Variants in PPP1R12A observed in about 807,000 individuals in gnomAD.
The protein encoded by PPP1R12A is myosin binding subunit.
Under a neutral mutation model 139.6 loss-of-function variants are expected in PPP1R12A, and 19 were observed. The ratio of observed to expected loss-of-function variants is 0.14; its 90% CI spans 0.09 to 0.20. The LOEUF is 0.20. Ranked by LOEUF, PPP1R12A falls within the 10% of genes least tolerant of loss-of-function variation. The probability of loss-of-function intolerance (pLI) is 1.00; values close to 1 mark genes in which losing one functional copy is unlikely to be tolerated. For missense variants in PPP1R12A, 925 were observed against 1,211.5 expected (o/e 0.76, Z 3.51); for synonymous variants, 427 against 420.6 (o/e 1.02, Z -0.19).
chr12:79,933,901 GTCCCCTATTTATTC>G (rs1454285639), intron 1 of PPP1R12A, among the ~76,000 whole-genome samples: 2 of 152,312 alleles, frequency 1.3e-5, no homozygotes, highest in East Asian at 3.9e-4. Flanking sequence ...TGAAAAGAGT[GTCCCCTATTTATTC>G]TTCTCTTTCT....
intron 1 of PPP1R12A, among the ~76,000 whole-genome samples, chr12:79,919,444 A>G (rs753557109): frequency 4.6e-5 from 7 of 151,606 alleles, no homozygotes; most frequent in Non-Finnish European, 1.0e-4. Flanking sequence ...AATCTCAGCT[A>G]CTCAGGAGGC....
chr12:79,821,052 CA>C, intron 7 of PPP1R12A, 25 bp downstream of exon 7: 3 of 1,596,058 alleles, frequency 1.9e-6, no homozygotes, highest in South Asian at 1.1e-5. Context: ...ACAAAAATAA[CA>C]AATGTACTTG....
In PPP1R12A at chr12:79,781,865, G is replaced by A; in HGVS notation, c.2908-3C>T. ...CTATCAGCAAATCTTTCTTGTCTCT[G>A]CAACAAAGTAAGAAATTATAAAAGA... On this transcript the variant is annotated splice_polypyrimidine_tract_variant and splice_region_variant and intron_variant, in intron 22 of 24. Coordinates refer to ENST00000450142, the MANE Select transcript of PPP1R12A (RefSeq NM_002480.3). 1.3e-6 allele frequency: 2 copies of A among 1,534,164 alleles called. No individual in the cohort carries two copies. Among genetic ancestry groups the A allele is most frequent in the Non-Finnish European group, 1.8e-6 (2 of 1,134,490 alleles).
rs1378883239 is a variant in PPP1R12A at position 79,894,870 on chromosome 12, T to TG, written c.238-21933dup. 2.0e-5 allele frequency among the ~76,000 whole-genome samples: 3 copies of TG among 152,342 alleles called. No homozygotes were observed. In the East Asian group the frequency reaches 5.8e-4, roughly 29 times the overall value. On this transcript the variant is annotated intron_variant, in intron 1 of 24. Coordinates refer to ENST00000450142, the MANE Select transcript of PPP1R12A (RefSeq NM_002480.3). ...GGAATTATGTTTGCTTTTAGCAGGT[T>TG]GTCCGCCTTTCGTCTTGCTTTCAGC...
intron 1 of PPP1R12A, among the ~76,000 whole-genome samples, chr12:79,902,835 C>T (rs186558827): frequency 2.0e-4 from 31 of 152,120 alleles, no homozygotes; most frequent in Admixed American, 2.6e-4. Context: ...AAATTCCACA[C>T]CTGACCTTAT....
At chr12:79,818,084 T>C (rs949885315) in intron 8 of PPP1R12A, among the ~76,000 whole-genome samples, 1 of 152,144 alleles carries the variant, frequency 6.6e-6, no homozygotes, top group Non-Finnish European at 1.5e-5. Flanking sequence ...TCCACCTAAC[T>C]GTGTAGAGAA....
intron 1 of PPP1R12A, among the ~76,000 whole-genome samples, chr12:79,910,051 C>A (rs761761251): frequency 1.3e-5 from 2 of 151,918 alleles, no homozygotes; most frequent in Non-Finnish European, 2.9e-5. Context: ...TGTAAACTGA[C>A]AACAAATAAC....
intron 2 of PPP1R12A, among the ~76,000 whole-genome samples, chr12:79,865,410 A>C (rs964509889): frequency 6.6e-6 from 1 of 152,374 alleles, no homozygotes; most frequent in South Asian, 2.1e-4. Context: ...AACCGCCACA[A>C]GACAAGGATC....
chr12:79,862,458 G>C (rs1421512270), intron 2 of PPP1R12A, among the ~76,000 whole-genome samples: 2 of 152,224 alleles, frequency 1.3e-5, no homozygotes, highest in African/African-American at 4.8e-5. Flanking sequence ...AAACTGGGCA[G>C]AGAATGAGTT....
chr12:79,798,053 T>A (rs189777709), intron 15 of PPP1R12A, among the ~76,000 whole-genome samples: 1 of 152,286 alleles, frequency 6.6e-6, no homozygotes, highest in African/African-American at 2.4e-5. Context: ...GCATATTAGT[T>A]GTTTATACCT....
Position 79,778,590 on chromosome 12 carries a change from G to A in PPP1R12A, c.2966C>T (p.Ala989Val). Reference sequence around the variant, plus strand: ...CATTTCAGATATTCTTCTTTCTAGAGCTCTTCGTTCCTAGATCGATTTAAG... The same window carrying A: ...CATTTCAGATATTCTTCTTTCTAGAACTCTTCGTTCCTAGATCGATTTAAG... ...LLEMEKRERR[A>V]LERRISEMEE... Residue 989 changes from alanine (A) to valine (V), a missense_variant, in exon 24 of 25, where the codon GCT (alanine) becomes GTT (valine). Around this residue, in one of 4 missense-constraint regions of PPP1R12A, gnomAD observed 315 missense variants for 363.4 expected, o/e 0.87. Coordinates refer to ENST00000450142, the MANE Select transcript of PPP1R12A (RefSeq NM_002480.3). The A allele has an allele frequency of 2.6e-6, 4 of 1,529,498 alleles. No homozygotes were observed. The highest frequency in any genetic ancestry group is 1.2e-5 in the South Asian group (1 of 80,162). 94.7% of individuals were successfully genotyped at this position (1,529,498 alleles called of 1,614,324 possible).
intron 1 of PPP1R12A, among the ~76,000 whole-genome samples, chr12:79,892,119 C>G (rs997523329): frequency 8.5e-5 from 13 of 152,202 alleles, no homozygotes; most frequent in Non-Finnish European, 1.8e-4. Flanking sequence ...CCAGTCTTCA[C>G]TGCTTAAGCT....
intron 1 of PPP1R12A, among the ~76,000 whole-genome samples, chr12:79,925,670 C>T (rs1270816110): frequency 6.6e-6 from 1 of 152,124 alleles, no homozygotes; most frequent in Non-Finnish European, 1.5e-5. Flanking sequence ...GGAATGTCTC[C>T]TCCCATGAAA....
intron 23 of PPP1R12A, chr12:79,780,881 C>T (rs1425614950): frequency 1.3e-5 from 2 of 152,082 alleles, no homozygotes; most frequent in Non-Finnish European, 2.9e-5. Flanking sequence ...TAGCAAATGA[C>T]AGACATTATA....
At chr12:79,926,599 GT>G (rs1223201072) in intron 1 of PPP1R12A, among the ~76,000 whole-genome samples, 1 of 152,184 alleles carries the variant, frequency 6.6e-6, no homozygotes, top group Non-Finnish European at 1.5e-5. Flanking sequence ...AAGTTTGTCA[GT>G]GTGTTACACT....
intron 23 of PPP1R12A, chr12:79,780,178 T>A (rs1364195454): frequency 6.6e-6 from 1 of 151,610 alleles, no homozygotes; most frequent in East Asian, 1.9e-4. Context: ...TACTCCAGCC[T>A]GGGTGACAGA....
At chr12:79,917,315 T>C (rs889702809) in intron 1 of PPP1R12A, among the ~76,000 whole-genome samples, 2 of 151,816 alleles carry the variant, frequency 1.3e-5, no homozygotes, top group African/African-American at 2.4e-5. Flanking sequence ...TGAAACCCCA[T>C]CTCTACTAAA....
chr12:79,930,574 A>C (rs1292563239), intron 1 of PPP1R12A, among the ~76,000 whole-genome samples: 1 of 152,142 alleles, frequency 6.6e-6, no homozygotes, highest in Non-Finnish European at 1.5e-5. Context: ...GGAGTTCGAG[A>C]CCAGTCTGAT....
intron 1 of PPP1R12A, among the ~76,000 whole-genome samples, chr12:79,915,260 G>A (rs752237691): frequency 1.3e-5 from 2 of 152,082 alleles, no homozygotes; most frequent in African/African-American, 4.8e-5. Context: ...ATGTATGCAT[G>A]TTTATGTATA....
Sources: gnomAD v4.1 joint callset for allele counts (sites outside exome capture counted in the v4.1 genomes callset) on GRCh38, gnomAD v4.1.1 for gene constraint, gnomAD v4.1.1 regional missense constraint, MANE v1.5 for transcripts, NCBI Gene and HGNC (gene_info 2026-07-23, HGNC 2026-07-21) for gene names.